Variants in WDHD1 observed in about 807,000 individuals in gnomAD.
WDHD1 encodes the protein WD repeat and HMG-box DNA-binding protein 1.
In WDHD1, 111 loss-of-function variants were observed where a neutral mutation model predicts 135.4. That is an observed-to-expected ratio of 0.82 (90% CI 0.70 to 0.96). WDHD1 has a LOEUF of 0.96. Among genes scored for constraint, WDHD1 ranks in the 40% least tolerant of loss-of-function variants. The probability of loss-of-function intolerance (pLI) is 0.00; values close to 1 mark genes in which losing one functional copy is unlikely to be tolerated. For synonymous variants in WDHD1, 434 were observed against 439.0 expected, an observed-to-expected ratio of 0.99 and a Z score of 0.14; for missense variants, 1,351 against 1,336.3, an observed-to-expected ratio of 1.01 and a Z score of -0.17.
intron 9 of WDHD1, 66 bp from the exon 10 acceptor site, chr14:55,000,710 G>A (rs1267161024): frequency 1.5e-6 from 2 of 1,303,600 alleles, no homozygotes; most frequent in Middle Eastern, 2.0e-4. Context: ...ATTTCTTTAG[G>A]TAAATTTTAG....
chr14:54,952,645 T>C (rs2041078867), intron 24 of WDHD1, among the ~76,000 whole-genome samples: 1 of 152,122 alleles, frequency 6.6e-6, no homozygotes, highest in Non-Finnish European at 1.5e-5. Flanking sequence ...AAAACTACTT[T>C]AAAGTTCATA....
At chr14:54,955,884 T>TCAGATA (rs1418229676) in intron 23 of WDHD1, among the ~76,000 whole-genome samples, 190 bp from the exon 24 acceptor site, 1 of 148,626 alleles carries the variant, frequency 6.7e-6, no homozygotes, top group African/African-American at 2.5e-5. Context: ...CACTTCAGAT[T>TCAGATA]CCATGTTTTC....
At position 54,939,442 on chromosome 14, in the gene WDHD1, T is replaced by C; in HGVS notation, c.*2048A>G. On this transcript the variant is annotated 3_prime_UTR_variant, in exon 26 of 26. Coordinates refer to ENST00000360586, the MANE Select transcript of WDHD1 (RefSeq NM_007086.4). ...TAAAGTAACCTCCTGTGAGGAGTTT[T>C]TGCTTTTGGAGAATAAAATTAAGTA... The C allele has an allele frequency of 6.6e-6, 1 of 152,198 alleles. No homozygotes were observed. Among genetic ancestry groups the C allele is most frequent in the East Asian group, 1.9e-4 (1 of 5,200 alleles). 9.4% of individuals were successfully genotyped at this position (152,198 alleles called of 1,614,324 possible). A position where few individuals can be genotyped will look rare whatever the true frequency, so the allele number is the denominator to read the frequency against.
chr14:54,950,194 A>C lies in WDHD1; in HGVS notation c.3050+5367T>G, dbSNP rs374848061. Among the ~76,000 whole-genome samples, 3 of 152,294 alleles carry C rather than the reference A, an allele frequency of 2.0e-5. 1 individual carries two copies. The highest frequency in any genetic ancestry group is 7.2e-5 in the African/African-American group (3 of 41,560). ...AAATGCTCCAATTAAAAGACACAGAATGGCAAATTGGATAAAGAGTCAAGA... is the reference window on the plus strand; with the variant it reads ...AAATGCTCCAATTAAAAGACACAGACTGGCAAATTGGATAAAGAGTCAAGA... On this transcript the variant is annotated intron_variant, in intron 24 of 25. Transcript: ENST00000360586.
intron 16 of WDHD1, among the ~76,000 whole-genome samples, chr14:54,973,945 C>T (rs898351739): frequency 6.6e-6 from 1 of 152,006 alleles, no homozygotes; most frequent in African/African-American, 2.4e-5. Flanking sequence ...GAGACTTCAA[C>T]TAAAAAGATG....
chr14:54,950,387 G>C (rs2140153000), intron 24 of WDHD1, among the ~76,000 whole-genome samples: 1 of 152,078 alleles, frequency 6.6e-6, no homozygotes, highest in East Asian at 1.9e-4. Context: ...AAGATCAAAA[G>C]AGACAAAGAA....
intron 15 of WDHD1, among the ~76,000 whole-genome samples, chr14:54,983,181 A>G (rs1006747896): frequency 6.6e-6 from 1 of 152,042 alleles, no homozygotes; most frequent in Admixed American, 6.6e-5. Context: ...CCACAAACAC[A>G]AAAACAAATA....
At chr14:54,984,257 G>A (rs2041662942) in intron 15 of WDHD1, among the ~76,000 whole-genome samples, 1 of 152,210 alleles carries the variant, frequency 6.6e-6, no homozygotes, top group East Asian at 1.9e-4. Context: ...CACTTTAGGA[G>A]GCCAAGGTGG....
chr14:54,942,212 C>A (rs1242318406), intron 25 of WDHD1, among the ~76,000 whole-genome samples: 1 of 151,866 alleles, frequency 6.6e-6, no homozygotes, highest in Non-Finnish European at 1.5e-5. Flanking sequence ...GATCACGCCA[C>A]TGCACTCCAG....
In WDHD1 at chr14:54,991,233, G is replaced by C. The variant is rs373466116; in HGVS notation, c.1321C>G (p.His441Asp). The change falls in exon 12 of 26, where the codon CAT (histidine) becomes GAT (aspartate). Residue 441 changes from histidine (H) to aspartate (D), a missense_variant. Coordinates refer to ENST00000360586, the MANE Select transcript of WDHD1 (RefSeq NM_007086.4). Reference protein sequence around the residue: ...KPFQSGSTPLHLTHRFMVWNS... With the variant: ...KPFQSGSTPLDLTHRFMVWNS... ...CTTACCATGAATCTGTGAGTGAGAT[G>C]CAACGGTGTAGAACCTGACTGAAAT... 18 of 1,600,052 alleles carry C rather than the reference G, an allele frequency of 1.1e-5. No homozygotes were observed. The South Asian group carries it at 1.2e-4, about 11-fold the overall frequency.
At chr14:54,982,970 G>T (rs1022508357) in intron 15 of WDHD1, among the ~76,000 whole-genome samples, 2 of 151,998 alleles carry the variant, frequency 1.3e-5, no homozygotes, top group Non-Finnish European at 2.9e-5. Context: ...TTCAAAACCA[G>T]CCTAGCCAAC....
chr14:54,999,260 T>C (rs2041940752), intron 10 of WDHD1, among the ~76,000 whole-genome samples: 1 of 152,188 alleles, frequency 6.6e-6, no homozygotes, highest in African/African-American at 2.4e-5. Flanking sequence ...ACCACTCAAC[T>C]GTAACCAGTG....
intron 25 of WDHD1, among the ~76,000 whole-genome samples, chr14:54,943,103 T>C (rs1717571933): frequency 1.3e-5 from 2 of 152,200 alleles, no homozygotes; most frequent in Admixed American, 1.3e-4. Flanking sequence ...TGCTGCGCCC[T>C]GCCATTCCTG....
In WDHD1 at chr14:54,962,832, C is replaced by A. The variant is rs1422771724; in HGVS notation, c.2553G>T (p.Glu851Asp). 6.2e-6 allele frequency: 10 copies of A among 1,612,662 alleles called. No homozygotes were observed. The highest frequency in any genetic ancestry group is 8.5e-6 in the Non-Finnish European group (10 of 1,180,012). ...LNAGYSNTAT[E>D]WSQPRFRNQV... ...GATTTCTGAACCTTGGTTGGCTCCA[C>A]TCTGTAGCAGTATTGCTGTAACTAA... The change falls in exon 20 of 26, where the codon GAG becomes GAT. Residue 851 changes from glutamate (E) to aspartate (D), a missense_variant. By Grantham distance (45) the Glu-to-Asp change is conservative. Around this residue, in one of 2 missense-constraint regions of WDHD1, gnomAD observed 1,330 missense variants for 1,296.1 expected, o/e 1.03. Coordinates refer to ENST00000360586, the MANE Select transcript of WDHD1 (RefSeq NM_007086.4).
rs1460988788 is a variant in WDHD1 at position 54,972,584 on chromosome 14, AAAAAAAT to A, written c.2064-5197_2064-5191del. Among the ~76,000 whole-genome samples, 102 of 78,016 alleles carry A rather than the reference AAAAAAAT, an allele frequency of 1.3e-3. 16 individuals carry two copies. The highest frequency in any genetic ancestry group is 2.8e-3 in the South Asian group (8 of 2,858). The allele number at this position is 78,016 out of a possible 152,430, so 51.2% of individuals were successfully genotyped here. A position where few individuals can be genotyped will look rare whatever the true frequency, so the allele number is the denominator to read the frequency against. ...AAAAAAAAAAAAAAAAAAAAAAAAA[AAAAAAAT>A]GCCAATGAGGCATATTCACTTTCAT... On this transcript the variant is annotated intron_variant, in intron 16 of 25. Coordinates refer to ENST00000360586, the MANE Select transcript of WDHD1 (RefSeq NM_007086.4).
chr14:54,952,384 C>T (rs1368990003), intron 24 of WDHD1, among the ~76,000 whole-genome samples: 1 of 152,152 alleles, frequency 6.6e-6, no homozygotes, highest in African/African-American at 2.4e-5. Context: ...AGTGAACTCC[C>T]ATTCACAATT....
At chr14:54,988,894 G>T in intron 13 of WDHD1, 134 bp downstream of exon 13, 1 of 747,096 alleles carries the variant, frequency 1.3e-6, no homozygotes, top group Non-Finnish European at 2.1e-6. Context: ...GTGTGCTGGT[G>T]TTTGTACCAA....
intron 21 of WDHD1, among the ~76,000 whole-genome samples, chr14:54,958,934 T>C (rs1349920724): frequency 6.6e-6 from 1 of 152,236 alleles, no homozygotes; most frequent in Non-Finnish European, 1.5e-5. Context: ...CTGATTCAAA[T>C]ATCTGTCTTC....
At chr14:54,946,039 TAACAG>T (rs2040919194) in intron 24 of WDHD1, among the ~76,000 whole-genome samples, 1 of 150,336 alleles carries the variant, frequency 6.7e-6, no homozygotes, top group African/African-American at 2.5e-5. Context: ...TCCAGAAAAA[TAACAG>T]AACAAATCAA....
Sources: allele counts gnomAD v4.1 joint callset (sites outside exome capture counted in the v4.1 genomes callset), GRCh38; gene constraint gnomAD v4.1.1; regional missense constraint gnomAD v4.1.1; transcripts MANE v1.5; gene names NCBI Gene and HGNC (gene_info 2026-07-23, HGNC 2026-07-21).